The following ZMIZ1 variants were observed in gnomAD, a reference collection of about 807,000 sequenced individuals.
The protein encoded by ZMIZ1 is zinc finger MIZ-type containing 1.
A neutral mutation model predicts 113.9 loss-of-function variants in ZMIZ1; 17 were observed. The ratio of observed to expected loss-of-function variants is 0.15; its 90% CI spans 0.10 to 0.22. ZMIZ1 has a LOEUF of 0.22. ZMIZ1 is among the 10% of genes least tolerant of loss of function. The probability of loss-of-function intolerance (pLI) is 1.00; values close to 1 mark genes in which losing one functional copy is unlikely to be tolerated. For synonymous variants in ZMIZ1, 607 were observed against 603.1 expected (o/e 1.01, Z -0.09); for missense variants, 1,059 against 1,477.8 (o/e 0.72, Z 4.65).
chr10:79,189,959 C>T (rs779171050), intron 4 of ZMIZ1, among the ~76,000 whole-genome samples: 1 of 152,214 alleles, frequency 6.6e-6, no homozygotes, highest in Non-Finnish European at 1.5e-5. Flanking sequence ...GGGCTAGACC[C>T]AGCTGACGCA....
intron 11 of ZMIZ1, 59 bp from the exon 12 acceptor site, chr10:79,293,322 A>T (rs979632144): frequency 6.7e-7 from 1 of 1,488,930 alleles, no homozygotes; most frequent in Non-Finnish European, 9.0e-7. Context: ...CTTTCAATGC[A>T]TGTGGCATTT....
chr10:79,172,298 G>A (rs916347913), intron 4 of ZMIZ1, among the ~76,000 whole-genome samples: 1 of 152,164 alleles, frequency 6.6e-6, no homozygotes, highest in African/African-American at 2.4e-5. Flanking sequence ...TTTGTACCCA[G>A]TGTTTGGTGT....
intron 7 of ZMIZ1, among the ~76,000 whole-genome samples, chr10:79,240,115 C>A (rs1029082701): frequency 6.6e-6 from 1 of 152,220 alleles, no homozygotes; most frequent in Admixed American, 6.5e-5. Flanking sequence ...TTGATCCTCG[C>A]GTCAGGCCTC....
chr10:79,167,210 A>G (rs1281587190), intron 4 of ZMIZ1, among the ~76,000 whole-genome samples: 2 of 152,254 alleles, frequency 1.3e-5, no homozygotes, highest in Non-Finnish European at 2.9e-5. Context: ...TAAAGTGTGC[A>G]TCAGACTGCC....
intron 16 of ZMIZ1, among the ~76,000 whole-genome samples, chr10:79,299,898 G>A (rs2132062133): frequency 6.6e-6 from 1 of 152,322 alleles, no homozygotes; most frequent in East Asian, 1.9e-4. Context: ...CCACCCTTCA[G>A]TCCTTCATCC....
At chr10:79,119,519 C>T (rs1251176379) in intron 2 of ZMIZ1, among the ~76,000 whole-genome samples, 5 of 152,170 alleles carry the variant, frequency 3.3e-5, no homozygotes, top group East Asian at 3.9e-4. Context: ...TTGCCCCAGG[C>T]GGCACACCTG....
At chr10:79,216,926 T>G (rs965255549) in intron 7 of ZMIZ1, among the ~76,000 whole-genome samples, 5 of 152,230 alleles carry the variant, frequency 3.3e-5, no homozygotes, top group African/African-American at 1.2e-4. Flanking sequence ...GGGAGGGCTT[T>G]GAGCACTTTA....
At chr10:79,292,443 T>C in intron 11 of ZMIZ1, 87 bp downstream of exon 11, 1 of 1,521,396 alleles carries the variant, frequency 6.6e-7, no homozygotes, top group Non-Finnish European at 8.9e-7. Context: ...TGTCAGTGCT[T>C]ATGGGGCCAT....
chr10:79,302,140 C>T lies in ZMIZ1; in HGVS notation c.2053C>T (p.Pro685Ser). The T allele has an allele frequency of 6.2e-7, 1 of 1,614,008 alleles. No homozygotes were observed. The highest frequency in any genetic ancestry group is 1.1e-5 in the South Asian group (1 of 91,082). Reference sequence around the variant, plus strand: ...CTTCGTGCTGCAGCTGGTACACCGGCCCTCCGTCCGCTCTGTGCTGCAAGG... The same window carrying T: ...CTTCGTGCTGCAGCTGGTACACCGGTCCTCCGTCCGCTCTGTGCTGCAAGG... ...HLFVLQLVHRPSVRSVLQGLL... is the reference protein window; with the variant it reads ...HLFVLQLVHRSSVRSVLQGLL... The change falls in exon 18 of 25, where the codon CCC becomes TCC. Residue 685 changes from proline (P) to serine (S), a missense_variant. By Grantham distance (74) the Pro-to-Ser change is moderately conservative. Transcript: ENST00000334512.
At chr10:79,134,046 A>ACAGGATGGCCGTCG (rs1564671065) in intron 2 of ZMIZ1, among the ~76,000 whole-genome samples, 53 of 152,324 alleles carry the variant, frequency 3.5e-4, no homozygotes, top group African/African-American at 9.9e-4. Flanking sequence ...TATAGCTGTC[A>ACAGGATGGCCGTCG]CACAGGATGG....
chr10:79,143,212 A>T (rs932881209), intron 3 of ZMIZ1, among the ~76,000 whole-genome samples: 2 of 151,750 alleles, frequency 1.3e-5, no homozygotes, highest in Non-Finnish European at 2.9e-5. Flanking sequence ...TCCTGAGTGT[A>T]CCTTTTTGGT....
In ZMIZ1 at chr10:79,250,801, C is replaced by A. The variant is rs184420802; in HGVS notation, c.281-26380C>A. On this transcript the variant is annotated intron_variant, in intron 7 of 24. Coordinates refer to ENST00000334512, the MANE Select transcript of ZMIZ1 (RefSeq NM_020338.4). ...TTGGCTTTCAGGTGCCCAAAGGGTG[C>A]CTGGAGAACCCCTCGCTGAGAGGAA... 7.4e-4 allele frequency among the ~76,000 whole-genome samples: 113 copies of A among 152,180 alleles called. 1 individual carries two copies. Among genetic ancestry groups the A allele is most frequent in the African/African-American group, 2.7e-3 (112 of 41,520 alleles).
At chr10:79,131,394 G>A (rs1844762095) in intron 2 of ZMIZ1, among the ~76,000 whole-genome samples, 1 of 150,960 alleles carries the variant, frequency 6.6e-6, no homozygotes, top group African/African-American at 2.5e-5. Context: ...AGGTTTTTCA[G>A]GGGGTTTATC....
In ZMIZ1 at chr10:79,217,504, C is replaced by T. The variant is rs541167087; in HGVS notation, c.280+1230C>T. 2.0e-5 allele frequency among the ~76,000 whole-genome samples: 3 copies of T among 152,284 alleles called. No homozygotes were observed. The South Asian group carries it at 6.2e-4, about 32-fold the overall frequency. ...GTTAACATTCCTTATGGAGTCAGGA[C>T]AAGCAGTTGAAAAAGAAAAAAAGAA... On this transcript the variant is annotated intron_variant, in intron 7 of 24. Coordinates refer to ENST00000334512, the MANE Select transcript of ZMIZ1 (RefSeq NM_020338.4).
chr10:79,176,941 T>C (rs1293555881), intron 4 of ZMIZ1, among the ~76,000 whole-genome samples: 1 of 152,226 alleles, frequency 6.6e-6, no homozygotes, highest in Non-Finnish European at 1.5e-5. Flanking sequence ...GTGTCTCCAG[T>C]GCATCTGCTG....
At chr10:79,157,627 G>A (rs1037670298) in intron 3 of ZMIZ1, among the ~76,000 whole-genome samples, 2 of 152,264 alleles carry the variant, frequency 1.3e-5, no homozygotes, top group African/African-American at 2.4e-5. Flanking sequence ...CTTCTGGCCC[G>A]TGGGCCTTGG....
chr10:79,116,088 C>A (rs1343418297), intron 1 of ZMIZ1, among the ~76,000 whole-genome samples: 1 of 151,884 alleles, frequency 6.6e-6, no homozygotes, highest in East Asian at 1.9e-4. Flanking sequence ...GAGTATAATC[C>A]CCCCGTAAGC....
intron 18 of ZMIZ1, 146 bp downstream of exon 18, chr10:79,302,358 T>A: frequency 1.3e-6 from 1 of 758,620 alleles, no homozygotes; most frequent in Non-Finnish European, 2.2e-6. Context: ...GCGCGCCCTG[T>A]CCTGAGGCTC....
At chr10:79,301,466 C>T (rs144947193) in intron 17 of ZMIZ1, among the ~76,000 whole-genome samples, 1 of 152,070 alleles carries the variant, frequency 6.6e-6, no homozygotes, top group African/African-American at 2.4e-5. Flanking sequence ...CTCAGCCACC[C>T]TCATGTCCCC....
Sources: gnomAD v4.1 joint callset for allele counts (sites outside exome capture counted in the v4.1 genomes callset) on GRCh38, gnomAD v4.1.1 for gene constraint, MANE v1.5 for transcripts, NCBI Gene and HGNC (gene_info 2026-07-23, HGNC 2026-07-21) for gene names.